KCNAB1: variants seen among roughly 807,000 people sequenced by gnomAD.
KCNAB1 encodes the protein potassium voltage-gated channel subfamily A regulatory beta subunit 1.
In KCNAB1, 35 loss-of-function variants were observed where a neutral mutation model predicts 64.6. The ratio of observed to expected loss-of-function variants is 0.54; its 90% CI spans 0.41 to 0.72. The LOEUF is 0.72. Ranked by LOEUF, KCNAB1 falls within the 30% of genes least tolerant of loss-of-function variation. The pLI is 0.00. For synonymous variants in KCNAB1, 177 were observed against 183.8 expected, an observed-to-expected ratio of 0.96 and a Z score of 0.30; for missense variants, 401 against 512.9, an observed-to-expected ratio of 0.78 and a Z score of 2.11.
rs150801010 is a variant in KCNAB1, at chr3:156,137,205, G to A, written c.275+16319G>A. Among the ~76,000 whole-genome samples the A allele has an allele frequency of 4.7e-3, 574 of 123,326 alleles. 4 individuals are homozygous for A. The highest frequency in any genetic ancestry group is 0.017 in the African/African-American group (537 of 31,982). The allele number at this position is 123,326 out of a possible 152,430, so 80.9% of individuals were successfully genotyped here. ...TTTTTCTAAAGCAAGGTTATAGTGC[G>A]TATGTATCATACATTGGTGGGGGGG... On this transcript the variant is annotated intron_variant, in intron 1 of 13. Transcript: ENST00000490337.
At chr3:156,387,103 C>T (rs1466264981) in intron 1 of KCNAB1, among the ~76,000 whole-genome samples, 2 of 147,132 alleles carry the variant, frequency 1.4e-5, no homozygotes, top group Non-Finnish European at 3.0e-5. Flanking sequence ...AAGTACTATG[C>T]ATTCTAGAAG....
intron 2 of KCNAB1, among the ~76,000 whole-genome samples, chr3:156,425,794 C>G (rs1419268624): frequency 2.0e-5 from 3 of 152,136 alleles, no homozygotes; most frequent in Non-Finnish European, 4.4e-5. Context: ...GATAATGTAT[C>G]TGACAGATGC....
chr3:156,358,203 A>G (rs575795638), intron 1 of KCNAB1, among the ~76,000 whole-genome samples: 1 of 152,334 alleles, frequency 6.6e-6, no homozygotes, highest in South Asian at 2.1e-4. Context: ...GATTTATTTT[A>G]AAAGATTAAA....
chr3:156,143,988 T>A (rs1179773500), intron 1 of KCNAB1, among the ~76,000 whole-genome samples: 1 of 151,986 alleles, frequency 6.6e-6, no homozygotes, highest in Non-Finnish European at 1.5e-5. Context: ...ACACTAAACT[T>A]CCAATATCAT....
intron 1 of KCNAB1, chr3:156,291,855 G>A (rs868688359): frequency 1.9e-6 from 3 of 1,607,468 alleles, no homozygotes; most frequent in Admixed American, 3.3e-5. Context: ...AACCTCTCGT[G>A]ACTGCCTGTG....
chr3:156,457,400 C>T (rs1712523879), intron 3 of KCNAB1, 53 bp from the exon 4 acceptor site: 1 of 1,611,624 alleles, frequency 6.2e-7, no homozygotes, highest in Non-Finnish European at 8.5e-7. Context: ...AAAGTTGCTT[C>T]CAGGTTTGGA....
chr3:156,536,831 A>AATC lies in KCNAB1; in HGVS notation c.*86_*88dup. 2.1e-6 allele frequency: 2 copies of AATC among 947,938 alleles called. No individual in the cohort carries two copies. The highest frequency in any genetic ancestry group is 3.4e-6 in the Non-Finnish European group (2 of 584,624). 58.7% of individuals were successfully genotyped at this position (947,938 alleles called of 1,614,324 possible). A position where few individuals can be genotyped will look rare whatever the true frequency, so the allele number is the denominator to read the frequency against. Reference sequence around the variant, plus strand: ...AAAGGTGTTACTAACCAGTCTTTTGAATCACTTAGCAGCTTGCTGCTCAAC... The same window carrying AATC: ...AAAGGTGTTACTAACCAGTCTTTTGAATCATCACTTAGCAGCTTGCTGCTCAAC... On this transcript the variant is annotated 3_prime_UTR_variant, in exon 14 of 14. Coordinates refer to ENST00000490337, the MANE Select transcript of KCNAB1 (RefSeq NM_172160.3).
At chr3:156,410,985 TG>T (rs1714613881) in intron 1 of KCNAB1, among the ~76,000 whole-genome samples, 1 of 152,216 alleles carries the variant, frequency 6.6e-6, no homozygotes, top group African/African-American at 2.4e-5. Context: ...CCGAGTCACA[TG>T]GTATAGATTG....
intron 1 of KCNAB1, among the ~76,000 whole-genome samples, chr3:156,137,874 A>G (rs1266887547): frequency 6.6e-6 from 1 of 151,948 alleles, no homozygotes; most frequent in Non-Finnish European, 1.5e-5. Flanking sequence ...AAACTTGTGA[A>G]AGAACTCCCT....
intron 1 of KCNAB1, among the ~76,000 whole-genome samples, chr3:156,160,154 G>A (rs893634847): frequency 6.6e-6 from 1 of 152,176 alleles, no homozygotes; most frequent in Non-Finnish European, 1.5e-5. Context: ...TTGATGTAGA[G>A]GAAACAGCAT....
At chr3:156,231,514 C>CCCTT (rs1307439655) in intron 1 of KCNAB1, among the ~76,000 whole-genome samples, 39 of 135,196 alleles carry the variant, frequency 2.9e-4, no homozygotes, top group African/African-American at 9.8e-4. Context: ...CTCCCTCCCT[C>CCCTT]CCTTCCTCCC....
At chr3:156,391,986 A>G (rs1185305543) in intron 1 of KCNAB1, among the ~76,000 whole-genome samples, 1 of 152,216 alleles carries the variant, frequency 6.6e-6, no homozygotes, top group Non-Finnish European at 1.5e-5. Context: ...TACATCGATT[A>G]GCTTGGAGAA....
intron 8 of KCNAB1, among the ~76,000 whole-genome samples, chr3:156,475,682 G>T (rs1714287542): frequency 6.6e-6 from 1 of 152,148 alleles, no homozygotes; most frequent in African/African-American, 2.4e-5. Flanking sequence ...TTACATTGAA[G>T]GTAACTTTGT....
In KCNAB1 at chr3:156,397,326, C is replaced by A. The variant is rs142469466; in HGVS notation, c.276-24290C>A. 3.3e-5 allele frequency among the ~76,000 whole-genome samples: 5 copies of A among 152,250 alleles called. No individual in the cohort carries two copies. The East Asian group carries it at 9.6e-4, about 29-fold the overall frequency. ...GGGGTAATATATGTAAAGAAATTGG[C>A]CCAAGTTCTCTGTAGAAAGAGCATT... On this transcript the variant is annotated intron_variant, in intron 1 of 13. Transcript: ENST00000490337.
chr3:156,470,187 A>G (rs33959074), intron 7 of KCNAB1, among the ~76,000 whole-genome samples: 17,142 of 152,268 alleles, frequency 0.11, 1,145 homozygotes, highest in African/African-American at 0.17. Context: ...GCTTAGGTGT[A>G]ATGTTCTCCT....
At chr3:156,173,682 T>C (rs1712156815) in intron 1 of KCNAB1, among the ~76,000 whole-genome samples, 3 of 151,978 alleles carry the variant, frequency 2.0e-5, no homozygotes, top group Admixed American at 2.0e-4. Flanking sequence ...ATGCAACAAA[T>C]TGTATGCGAT....
intron 1 of KCNAB1, among the ~76,000 whole-genome samples, chr3:156,285,286 A>T (rs1386865218): frequency 6.6e-6 from 1 of 152,240 alleles, no homozygotes; most frequent in Non-Finnish European, 1.5e-5. Context: ...TTATCCAAAG[A>T]CATGGCCAAT....
intron 1 of KCNAB1, among the ~76,000 whole-genome samples, chr3:156,189,739 T>C (rs576258327): frequency 7.9e-5 from 12 of 152,056 alleles, no homozygotes; most frequent in Admixed American, 3.9e-4. Context: ...GATACATGCT[T>C]TATACTTTTC....
At chr3:156,142,719 C>T (rs1374192000) in intron 1 of KCNAB1, among the ~76,000 whole-genome samples, 2 of 152,152 alleles carry the variant, frequency 1.3e-5, no homozygotes, top group African/African-American at 2.4e-5. Flanking sequence ...TATTTGATTA[C>T]AAAATATTTA....
Sources: gnomAD v4.1 joint callset for allele counts (sites outside exome capture counted in the v4.1 genomes callset) on GRCh38, gnomAD v4.1.1 for gene constraint, MANE v1.5 for transcripts, NCBI Gene and HGNC (gene_info 2026-07-23, HGNC 2026-07-21) for gene names.